SHC2: variants seen among roughly 807,000 people sequenced by gnomAD.
The protein encoded by SHC2 is SHC-transforming protein 2.
SHC2 carries 62 observed loss-of-function variants against 60.6 expected under a neutral mutation model. The observed-to-expected ratio is 1.02, with a 90% confidence interval of 0.83 to 1.26. SHC2 has a LOEUF of 1.26. Among genes scored for constraint, SHC2 ranks in the 50% most tolerant of loss-of-function variants. SHC2 has a pLI of 0.00. For missense variants in SHC2, 873 were observed against 822.2 expected (o/e 1.06, Z -0.76); for synonymous variants, 375 against 372.4 (o/e 1.01, Z -0.08).
intron 5 of SHC2, 32 bp from the exon 6 acceptor site, chr19:436,463 C>T: frequency 6.2e-7 from 1 of 1,602,070 alleles, no homozygotes; most frequent in Non-Finnish European, 8.5e-7. Flanking sequence ...CTGGACCTGC[C>T]TGGGCCCCCC....
At chr19:458,181 G>A (rs71335250) in intron 1 of SHC2, among the ~76,000 whole-genome samples, 43,911 of 122,954 alleles carry the variant, frequency 0.36, 11,799 homozygotes, top group Non-Finnish European at 0.49. Flanking sequence ...GCAGACGCAT[G>A]TTCCGGGGGA....
chr19:425,257 G>T lies in SHC2; in HGVS notation c.1175-26C>A. 1 of 1,314,194 alleles carries T rather than the reference G, an allele frequency of 7.6e-7. No individual in the cohort carries two copies. The highest frequency in any genetic ancestry group is 9.8e-7 in the Non-Finnish European group (1 of 1,023,700). 81.4% of individuals were successfully genotyped at this position (1,314,194 alleles called of 1,614,324 possible). On this transcript the variant is annotated intron_variant, in intron 9 of 12. Coordinates refer to ENST00000264554, the MANE Select transcript of SHC2 (RefSeq NM_012435.3). This position sits in a 1 kb window ranked among gnomAD's most constrained non-coding sequence, Gnocchi z 4.1. ...CTGGGGAGTGTAAAGAGGGGCAGGG[G>T]GTCAGCTGGGAGCCAGGCGAGGGGC...
intron 1 of SHC2, among the ~76,000 whole-genome samples, chr19:444,086 GGGTGGATGGATGGACA>G (rs1485726728): frequency 2.0e-5 from 3 of 149,026 alleles, no homozygotes; most frequent in Non-Finnish European, 3.0e-5. Flanking sequence ...GATGGATGGA[GGGTGGATGGATGGACA>G]GGTGGATGGT....
chr19:437,271 CGTGCTCGTCTGT>C (rs1292444738), intron 4 of SHC2, among the ~76,000 whole-genome samples: 22 of 147,516 alleles, frequency 1.5e-4, no homozygotes, highest in South Asian at 4.2e-4. Flanking sequence ...TGCTCGTCTG[CGTGCTCGTCTGT>C]GTGCTCATCT....
At chr19:454,065 G>A (rs559582955) in intron 1 of SHC2, among the ~76,000 whole-genome samples, 7 of 152,298 alleles carry the variant, frequency 4.6e-5, no homozygotes, top group Non-Finnish European at 7.3e-5. Flanking sequence ...CTACGCCTTC[G>A]GGTGAAGCCC....
At chr19:434,656 G>C in intron 8 of SHC2, 53 bp downstream of exon 8, 2 of 1,469,658 alleles carry the variant, frequency 1.4e-6, no homozygotes, top group Admixed American at 4.5e-5. Flanking sequence ...TAGGTCCAGG[G>C]AACCAGCAGC....
At chr19:460,502 C>T (rs1163493236) in intron 1 of SHC2, 27 bp downstream of exon 1, 2 of 983,578 alleles carry the variant, frequency 2.0e-6, no homozygotes, top group East Asian at 1.0e-4. Context: ...CGCGAACGGG[C>T]TCCCGGGGGG....
In SHC2 at chr19:422,375, T is replaced by C; in HGVS notation, c.1391A>G (p.Gln464Arg). 1 of 1,603,094 alleles carries C rather than the reference T, an allele frequency of 6.2e-7. No homozygotes were observed. Among genetic ancestry groups the C allele is most frequent in the Admixed American group, 1.7e-5 (1 of 58,740 alleles). The change falls in exon 11 of 13, where the codon CAG (glutamine) becomes CGG (arginine). Residue 464 changes from glutamine to arginine, a missense_variant. By Grantham distance (43) the Gln-to-Arg change is conservative (BLOSUM62 1). Coordinates refer to ENST00000264554, the MANE Select transcript of SHC2 (RefSeq NM_012435.3). This position sits in a 1 kb window ranked among gnomAD's most constrained non-coding sequence, Gnocchi z 5.0. ...VTAAPLPLED[Q>R]WPSPPTRRAP... is the part of the protein sequence containing the mutation. ...CCGGCGGGTAGGGGGGCTGGGCCAC[T>C]GGTCCTCCAAGGGAAGAGGGGCTGC...
rs543388009 is a variant in SHC2 at position 445,336 on chromosome 19, C to T, written c.469-4404G>A. 3.2e-4 allele frequency among the ~76,000 whole-genome samples: 49 copies of T among 152,344 alleles called. No homozygotes were observed. The highest frequency in any genetic ancestry group is 1.0e-3 in the Admixed American group (16 of 15,300). ...CCAGACAGAGCCCAGCCCTCCACCA[C>T]GTGAGGACACAGGAGAACACGGCCC... On this transcript the variant is annotated intron_variant, in intron 1 of 12. Coordinates refer to ENST00000264554, the MANE Select transcript of SHC2 (RefSeq NM_012435.3). This position sits in a 1 kb window ranked among gnomAD's most constrained non-coding sequence, Gnocchi z 4.4.
rs1356326110 is a variant in SHC2, at chr19:453,158, A to G, written c.468+7371T>C. 1 of 152,162 alleles carries G rather than the reference A, an allele frequency of 6.6e-6. No individual in the cohort carries two copies. Among genetic ancestry groups the G allele is most frequent in the Non-Finnish European group, 1.5e-5 (1 of 68,064 alleles). 9.4% of individuals were successfully genotyped at this position (152,162 alleles called of 1,614,324 possible). A position where few individuals can be genotyped will look rare whatever the true frequency, so the allele number is the denominator to read the frequency against. ...AGACTGTGGTCACACCGTCCTGAAAACAGCCCAATGTTGTCTGGCCTTGGA... is the reference window on the plus strand; with the variant it reads ...AGACTGTGGTCACACCGTCCTGAAAGCAGCCCAATGTTGTCTGGCCTTGGA... On this transcript the variant is annotated intron_variant, in intron 1 of 12. Transcript: ENST00000264554. This position sits in a 1 kb window ranked among gnomAD's most constrained non-coding sequence, Gnocchi z 6.3.
intron 9 of SHC2, 27 bp downstream of exon 9, chr19:430,657 A>G: frequency 1.9e-6 from 3 of 1,605,532 alleles, no homozygotes; most frequent in Non-Finnish European, 2.6e-6. Context: ...CCTCGTGGGT[A>G]CCCCTTGCAG....
rs1975532829 is a variant in SHC2 at position 460,814 on chromosome 19, G to T, written c.183C>A (p.Asp61Glu). ...ARAAGASGGADPQPEPAGPGG... is the reference protein window; with the variant it reads ...ARAAGASGGAEPQPEPAGPGG... ...CCGGGCCCGCCGGCTCGGGTTGGGGGTCCGCGCCCCCCGAGGCCCCAGCCG... is the reference window on the plus strand; with the variant it reads ...CCGGGCCCGCCGGCTCGGGTTGGGGTTCCGCGCCCCCCGAGGCCCCAGCCG... The change falls in exon 1 of 13, where the codon GAC (aspartate) becomes GAA (glutamate). Residue 61 changes from aspartate to glutamate, a missense_variant. Physicochemically the swap from Asp to Glu is conservative, Grantham distance 45. Coordinates refer to ENST00000264554, the MANE Select transcript of SHC2 (RefSeq NM_012435.3). 2.0e-6 allele frequency: 2 copies of T among 980,738 alleles called. No individual in the cohort carries two copies. The highest frequency in any genetic ancestry group is 2.4e-6 in the Non-Finnish European group (2 of 828,352). The allele number at this position is 980,738 out of a possible 1,614,324, so 60.8% of individuals were successfully genotyped here.
rs561810149 is a variant in SHC2, at chr19:440,819, C to T, written c.539+43G>A. 5 of 1,552,254 alleles carry T rather than the reference C, an allele frequency of 3.2e-6. No individual in the cohort carries two copies. The highest frequency in any genetic ancestry group is 2.2e-5 in the South Asian group (2 of 89,802). On this transcript the variant is annotated intron_variant, in intron 2 of 12. Transcript: ENST00000264554. This position sits in a 1 kb window ranked among gnomAD's most constrained non-coding sequence, Gnocchi z 7.0. Reference sequence around the variant, plus strand: ...CCTCCAGTGCTGCCGCCCTCCAGTGCGTCACTCAGCCCTACGCGGCCAGGG... The same window carrying T: ...CCTCCAGTGCTGCCGCCCTCCAGTGTGTCACTCAGCCCTACGCGGCCAGGG...
chr19:435,353 T>C (rs1974691571), intron 7 of SHC2, among the ~76,000 whole-genome samples: 1 of 152,032 alleles, frequency 6.6e-6, no homozygotes, highest in Non-Finnish European at 1.5e-5. Context: ...TGGGATAAAT[T>C]ATGAAGCAGC....
At chr19:444,012 G>A (rs1412238255) in intron 1 of SHC2, among the ~76,000 whole-genome samples, 3 of 149,756 alleles carry the variant, frequency 2.0e-5, no homozygotes, top group African/African-American at 7.4e-5. Flanking sequence ...TGGATGGATG[G>A]GTGGATGGAT....
intron 1 of SHC2, among the ~76,000 whole-genome samples, chr19:443,886 AT>A (rs1974981804): frequency 9.2e-6 from 1 of 108,566 alleles, no homozygotes; most frequent in Non-Finnish European, 1.8e-5. Context: ...GTGTAGGTGG[AT>A]GGGTGGGTGG....
At chr19:449,927 G>A (rs995490586) in intron 1 of SHC2, among the ~76,000 whole-genome samples, 2 of 152,184 alleles carry the variant, frequency 1.3e-5, no homozygotes, top group African/African-American at 4.8e-5. Flanking sequence ...GTAGTCTACT[G>A]TTCTTGTTTC....
In SHC2 at chr19:460,986, C is replaced by A. The variant is rs1975540019; in HGVS notation, c.11G>T (p.Gly4Val). 2.0e-6 allele frequency: 2 copies of A among 977,194 alleles called. No individual in the cohort carries two copies. The highest frequency in any genetic ancestry group is 1.2e-4 in the Admixed American group (2 of 16,160). The allele number at this position is 977,194 out of a possible 1,614,324, so 60.5% of individuals were successfully genotyped here. A position where few individuals can be genotyped will look rare whatever the true frequency, so the allele number is the denominator to read the frequency against. MTQ[G>V]PGGRAPPAPP... ...CGCCGGGGGCGCGCGCCCGCCCGGA[C>A]CCTGCGTCATGGCCGCGGCCGCCCG... Residue 4 changes from glycine (G) to valine (V), a missense_variant, in exon 1 of 13, where the codon GGT becomes GTT. Gly to Val is a moderately radical substitution (Grantham distance 109). Coordinates refer to ENST00000264554, the MANE Select transcript of SHC2 (RefSeq NM_012435.3).
chr19:422,552 C>T lies in SHC2; in HGVS notation c.1310-96G>A, dbSNP rs1974306631. The T allele has an allele frequency of 9.6e-7, 1 of 1,045,234 alleles. No homozygotes were observed. Among genetic ancestry groups the T allele is most frequent in the Non-Finnish European group, 1.4e-6 (1 of 734,322 alleles). The allele number at this position is 1,045,234 out of a possible 1,614,324, so 64.7% of individuals were successfully genotyped here. A position where few individuals can be genotyped will look rare whatever the true frequency, so the allele number is the denominator to read the frequency against. On this transcript the variant is annotated intron_variant, in intron 10 of 12. Coordinates refer to ENST00000264554, the MANE Select transcript of SHC2 (RefSeq NM_012435.3). This position sits in a 1 kb window ranked among gnomAD's most constrained non-coding sequence, Gnocchi z 5.0. ...GAGAAACGGGTTCCCCGGGGAGTCC[C>T]TCGTGCACCCGTCGGCCTGCGCTGA...
Sources: gnomAD v4.1 joint callset for allele counts (sites outside exome capture counted in the v4.1 genomes callset) on GRCh38, gnomAD v4.1.1 for gene constraint, Gnocchi (gnomAD v3.1) non-coding constraint, MANE v1.5 for transcripts, NCBI Gene and HGNC (gene_info 2026-07-23, HGNC 2026-07-21) for gene names.